The following JAG1 variants were observed in gnomAD, a reference collection of about 807,000 sequenced individuals.
The protein encoded by JAG1 is jagged canonical Notch ligand 1.
JAG1 carries 23 observed loss-of-function variants against 148.7 expected under a neutral mutation model. That is an observed-to-expected ratio of 0.15 (90% CI 0.11 to 0.22). The LOEUF (loss-of-function observed/expected upper bound fraction) is 0.22, where lower values mean the gene tolerates loss of function less well. Among genes scored for constraint, JAG1 ranks in the 10% least tolerant of loss-of-function variants. JAG1 has a pLI of 1.00. For missense variants in JAG1, 1,054 were observed against 1,611.2 expected, an observed-to-expected ratio of 0.65 and a Z score of 5.92; for synonymous variants, 572 against 598.3, an observed-to-expected ratio of 0.96 and a Z score of 0.64.
At chr20:10,651,321 G>A (rs963951702) in intron 8 of JAG1, 6 of 444,568 alleles carry the variant, frequency 1.3e-5, no homozygotes, top group East Asian at 3.7e-5. Context: ...CCAGCTCCAG[G>A]AAGCAGATGC....
At chr20:10,660,536 T>G (rs562106637) in intron 3 of JAG1, among the ~76,000 whole-genome samples, 1 of 152,224 alleles carries the variant, frequency 6.6e-6, no homozygotes, top group African/African-American at 2.4e-5. Context: ...CAACAAACAG[T>G]TTAGACAAGA....
rs971766326 is a variant in JAG1 at position 10,673,213 on chromosome 20, C to G, written c.82-207G>C. On this transcript the variant is annotated intron_variant, in intron 1 of 25. Coordinates refer to ENST00000254958, the MANE Select transcript of JAG1 (RefSeq NM_000214.3). The surrounding 1 kb of genome is among the most constrained non-coding windows in gnomAD (Gnocchi z 4.7). Reference sequence around the variant, plus strand: ...AGTGCGGAAGAAATCCGACGACTTCCCGGGGGGCAACAGCGGAGCGAACGC... The same window carrying G: ...AGTGCGGAAGAAATCCGACGACTTCGCGGGGGGCAACAGCGGAGCGAACGC... 9.9e-5 allele frequency among the ~76,000 whole-genome samples: 15 copies of G among 152,070 alleles called. No individual in the cohort carries two copies. Among genetic ancestry groups the G allele is most frequent in the African/African-American group, 3.1e-4 (13 of 41,442 alleles).
At position 10,649,532 on chromosome 20, in the gene JAG1, A is replaced by G; in HGVS notation, c.1338T>C (p.Asn446=). 1.9e-6 allele frequency: 3 copies of G among 1,605,304 alleles called. No homozygotes were observed. The highest frequency in any genetic ancestry group is 1.7e-4 in the Middle Eastern group (1 of 6,050). ...CDCLPGWMGQ[N]CDININDCLG... ...AACAAAGTCACTCACTTATGTCACA[A>G]TTCTGACCCATCCAGCCGGGAAGAC... Residue 446 remains asparagine (N), a synonymous_variant, in exon 10 of 26, where the codon AAT becomes AAC. Transcript: ENST00000254958.
Position 10,642,608 on chromosome 20 carries a change from G to A in JAG1, c.2459-7C>T. On this transcript the variant is annotated splice_polypyrimidine_tract_variant and splice_region_variant and intron_variant, in intron 20 of 25. Coordinates refer to ENST00000254958, the MANE Select transcript of JAG1 (RefSeq NM_000214.3). The stretch of plus-strand genomic sequence containing the variant: ...GACTGGCATTCATTGATGTCTAGGA[G>A]AAATGGAGTTCAAGTTTAGGGACTG... The A allele has an allele frequency of 1.3e-6, 2 of 1,563,806 alleles. No individual in the cohort carries two copies. Among genetic ancestry groups the A allele is most frequent in the South Asian group, 2.2e-5 (2 of 90,098 alleles).
rs752105789 is a variant in JAG1 at position 10,646,965 on chromosome 20, C to G, written c.1859G>C (p.Gly620Ala). 5.6e-6 allele frequency: 9 copies of G among 1,614,182 alleles called. No homozygotes were observed. Among genetic ancestry groups the G allele is most frequent in the Middle Eastern group, 1.6e-4 (1 of 6,062 alleles). Reference sequence around the variant, plus strand: ...TTCATGGCAGTATGTTCCCGTGAAGCCTTTGTTACAGTCACAGGTGAATTT... The same window carrying G: ...TTCATGGCAGTATGTTCCCGTGAAGGCTTTGTTACAGTCACAGGTGAATTT... ...GGKFTCDCNK[G>A]FTGTYCHENI... is the part of the protein sequence containing the mutation. The change falls in exon 14 of 26, where the codon GGC (glycine) becomes GCC (alanine). Residue 620 changes from glycine to alanine, a missense_variant. Physicochemically the swap from Gly to Ala is moderately conservative, Grantham distance 60. This residue lies in a region of JAG1 where 35 missense variants were observed against 99.7 expected (regional missense o/e 0.35). Coordinates refer to ENST00000254958, the MANE Select transcript of JAG1 (RefSeq NM_000214.3).
At chr20:10,667,361 CTG>C (rs2067462058) in intron 2 of JAG1, among the ~76,000 whole-genome samples, 1 of 152,192 alleles carries the variant, frequency 6.6e-6, no homozygotes, top group Non-Finnish European at 1.5e-5. Flanking sequence ...GTCGCTTGTC[CTG>C]TGTTAGCATT....
At chr20:10,652,842 C>A in intron 5 of JAG1, 1 of 430,424 alleles carries the variant, frequency 2.3e-6, no homozygotes, top group Admixed American at 3.5e-5. Context: ...ATGGGGATGC[C>A]CTTCACAAAG....
rs1349048219 is a variant in JAG1, at chr20:10,645,828, C to T, written c.1999+143G>A. ...AGGACTCATAAATGCAAATGAGACA[C>T]AAGTGATACTGTCCCAGTGCAGAAA... On this transcript the variant is annotated intron_variant, in intron 15 of 25. Coordinates refer to ENST00000254958, the MANE Select transcript of JAG1 (RefSeq NM_000214.3). This position sits in a 1 kb window ranked among gnomAD's most constrained non-coding sequence, Gnocchi z 6.1. 11 of 736,494 alleles carry T rather than the reference C, an allele frequency of 1.5e-5. No homozygotes were observed. Among genetic ancestry groups the T allele is most frequent in the Admixed American group, 5.6e-5 (3 of 53,826 alleles). 45.6% of individuals were successfully genotyped at this position (736,494 alleles called of 1,614,324 possible).
chr20:10,651,939 A>G (rs2067349433), intron 7 of JAG1, among the ~76,000 whole-genome samples, 192 bp downstream of exon 7: 1 of 152,200 alleles, frequency 6.6e-6, no homozygotes, highest in African/African-American at 2.4e-5. Flanking sequence ...GCTGCCTCCT[A>G]TACGAATCAG....
At chr20:10,640,259 C>G (rs1439603207) in intron 25 of JAG1, among the ~76,000 whole-genome samples, 4 of 152,208 alleles carry the variant, frequency 2.6e-5, no homozygotes, top group Admixed American at 1.3e-4. Flanking sequence ...GCTACTGAGG[C>G]AGCTCAGTAC....
At position 10,650,272 on chromosome 20, in the gene JAG1, C is replaced by T; in HGVS notation, c.1209G>A (p.Gln403=). Residue 403 remains glutamine, a synonymous_variant, in exon 9 of 26, where the codon CAG becomes CAA. Coordinates refer to ENST00000254958, the MANE Select transcript of JAG1 (RefSeq NM_000214.3). ...VNGFKCVCPP[Q]WTGKTCQLDA... ...CTAACTGGCACGTTTTCCCAGTCCACTGTGGGGGGCACACACACTTAAATC... is the reference window on the plus strand; with the variant it reads ...CTAACTGGCACGTTTTCCCAGTCCATTGTGGGGGGCACACACACTTAAATC... 1 of 1,613,674 alleles carries T rather than the reference C, an allele frequency of 6.2e-7. No homozygotes were observed. The highest frequency in any genetic ancestry group is 8.5e-7 in the Non-Finnish European group (1 of 1,179,632).
chr20:10,670,866 C>T (rs1002623907), intron 2 of JAG1, among the ~76,000 whole-genome samples: 1 of 152,210 alleles, frequency 6.6e-6, no homozygotes, highest in Non-Finnish European at 1.5e-5. Context: ...ATCGCCTCTC[C>T]TACCCTCCCA....
intron 21 of JAG1, 135 bp from the exon 22 acceptor site, chr20:10,642,027 T>C: frequency 1.4e-6 from 1 of 732,388 alleles, no homozygotes; most frequent in South Asian, 1.5e-5. Flanking sequence ...AGTAACAGCA[T>C]GTGTACTTCC....
At position 10,638,691 on chromosome 20, in the gene JAG1, AAAAT is replaced by A. The variant is rs577740265; in HGVS notation, c.*803_*806del. Reference sequence around the variant, plus strand: ...GCACAGAAGCCCATCCTATTGTTTTAAAATAAACTATTTTCAAACACCTTAATTT... The same window carrying A: ...GCACAGAAGCCCATCCTATTGTTTTAAAACTATTTTCAAACACCTTAATTT... On this transcript the variant is annotated 3_prime_UTR_variant, in exon 26 of 26. Transcript: ENST00000254958. 38 of 152,760 alleles carry A rather than the reference AAAAT, an allele frequency of 2.5e-4. 1 individual carries two copies. The highest frequency in any genetic ancestry group is 2.4e-3 in the Admixed American group (37 of 15,298). 9.5% of individuals were successfully genotyped at this position (152,760 alleles called of 1,614,324 possible). A position where few individuals can be genotyped will look rare whatever the true frequency, so the allele number is the denominator to read the frequency against.
chr20:10,645,987 C>T lies in JAG1; in HGVS notation c.1983G>A (p.Gly661=). 6.2e-7 allele frequency: 1 copy of T among 1,612,136 alleles called. No individual in the cohort carries two copies. Among genetic ancestry groups the T allele is most frequent in the Non-Finnish European group, 8.5e-7 (1 of 1,178,284 alleles). ...YKCICSDGWE[G]AYCETNINDC... ...CAGACTCACTGGTTTCACAGTAGGC[C>T]CCCTCCCAGCCGTCACTACAGATGC... Residue 661 remains glycine (G), a synonymous_variant, in exon 15 of 26, where the codon GGG becomes GGA. Transcript: ENST00000254958. This position sits in a 1 kb window ranked among gnomAD's most constrained non-coding sequence, Gnocchi z 6.1.
chr20:10,669,547 CAAAAAAAAAAAAAAAAAAAAAAAAAAAA>C (rs56122797), intron 2 of JAG1, among the ~76,000 whole-genome samples: 3 of 44,198 alleles, frequency 6.8e-5, no homozygotes, highest in Non-Finnish European at 8.9e-5. Flanking sequence ...TTGGATTTTC[CAAAAAAAAAAAAAAAAAAAAAAAAAAAA>C]AAAAAAAAAA....
At chr20:10,644,801 C>A (rs1600181276) in intron 18 of JAG1, 62 bp downstream of exon 18, 1 of 1,189,166 alleles carries the variant, frequency 8.4e-7, no homozygotes, top group East Asian at 2.3e-5. Flanking sequence ...ATTGCAAGTC[C>A]CCAAGGGTGT....
chr20:10,655,439 T>C (rs1736622156), intron 5 of JAG1, among the ~76,000 whole-genome samples: 1 of 152,164 alleles, frequency 6.6e-6, no homozygotes, highest in African/African-American at 2.4e-5. Flanking sequence ...GATGGTTCCA[T>C]CAGCAGCATC....
intron 2 of JAG1, among the ~76,000 whole-genome samples, chr20:10,664,921 TA>T (rs2067443049): frequency 6.6e-6 from 1 of 152,202 alleles, no homozygotes. Context: ...CCTCCTTTTC[TA>T]AAATTTTCCT....
Sources: allele counts gnomAD v4.1 joint callset (sites outside exome capture counted in the v4.1 genomes callset), GRCh38; gene constraint gnomAD v4.1.1; regional missense constraint gnomAD v4.1.1; non-coding constraint Gnocchi (gnomAD v3.1); transcripts MANE v1.5; gene names NCBI Gene and HGNC (gene_info 2026-07-23, HGNC 2026-07-21).